MAGI2: variants seen among roughly 807,000 people sequenced by gnomAD.
The protein encoded by MAGI2 is membrane-associated guanylate kinase, WW and PDZ domain-containing protein 2.
MAGI2 carries 35 observed loss-of-function variants against 133.3 expected under a neutral mutation model. The ratio of observed to expected loss-of-function variants is 0.26; its 90% confidence interval spans 0.20 to 0.35. The LOEUF (loss-of-function observed/expected upper bound fraction) is 0.35. Among genes scored for constraint, MAGI2 ranks in the 10% least tolerant of loss-of-function variants. The probability of loss-of-function intolerance (pLI) is 1.00; values close to 1 mark genes in which losing one functional copy is unlikely to be tolerated. For missense variants in MAGI2, 1,636 were observed against 1,863.4 expected (o/e 0.88, Z 2.25); for synonymous variants, 729 against 710.6 (o/e 1.03, Z -0.41).
intron 1 of MAGI2, among the ~76,000 whole-genome samples, chr7:79,136,835 C>T (rs1446461961): frequency 1.3e-5 from 2 of 152,058 alleles, no homozygotes; most frequent in African/African-American, 4.8e-5. Flanking sequence ...TATATGTGCA[C>T]AAGGCAGGAG....
chr7:78,678,271 A>G (rs1239129794), intron 2 of MAGI2, among the ~76,000 whole-genome samples: 1 of 151,990 alleles, frequency 6.6e-6, no homozygotes, highest in Admixed American at 6.6e-5. Flanking sequence ...AATATTCTCT[A>G]TTTTCCAGAA....
At chr7:78,220,075 T>C (rs1788659169) in intron 10 of MAGI2, among the ~76,000 whole-genome samples, 1 of 152,152 alleles carries the variant, frequency 6.6e-6, no homozygotes, top group African/African-American at 2.4e-5. Context: ...TGGCCCTGCC[T>C]GCAGCTCCAG....
chr7:78,391,751 C>T (rs1473350940), intron 6 of MAGI2, among the ~76,000 whole-genome samples: 1 of 152,146 alleles, frequency 6.6e-6, no homozygotes, highest in Non-Finnish European at 1.5e-5. Context: ...TATGATAATG[C>T]CATCTTTCCC....
At chr7:79,002,282 C>T (rs963020290) in intron 2 of MAGI2, among the ~76,000 whole-genome samples, 81 of 151,288 alleles carry the variant, frequency 5.4e-4, no homozygotes, top group African/African-American at 1.8e-3. Context: ...CCACCATGCC[C>T]GGCCAATTTT....
At chr7:79,191,333 C>A (rs1031032376) in intron 1 of MAGI2, among the ~76,000 whole-genome samples, 1 of 146,214 alleles carries the variant, frequency 6.8e-6, no homozygotes, top group African/African-American at 2.5e-5. Flanking sequence ...ATCATGCAAG[C>A]TTTGAAAAGT....
At chr7:79,157,980 T>G (rs1435451801) in intron 1 of MAGI2, among the ~76,000 whole-genome samples, 2 of 130,810 alleles carry the variant, frequency 1.5e-5, no homozygotes, top group Non-Finnish European at 3.1e-5. Context: ...GTGTGTGTAT[T>G]TAAAAGACCT....
chr7:78,667,444 G>C (rs1178936905), intron 2 of MAGI2, among the ~76,000 whole-genome samples: 1 of 150,974 alleles, frequency 6.6e-6, no homozygotes, highest in African/African-American at 2.4e-5. Flanking sequence ...CAATGTGCAA[G>C]TTAGTTACAT....
chr7:78,624,093 T>G lies in MAGI2; in HGVS notation c.538+3027A>C, dbSNP rs115469278. 9.3e-3 allele frequency among the ~76,000 whole-genome samples: 1,419 copies of G among 152,266 alleles called. 23 individuals are homozygous for G. Among genetic ancestry groups the G allele is most frequent in the African/African-American group, 0.032 (1,348 of 41,566 alleles). On this transcript the variant is annotated intron_variant, in intron 3 of 21. Transcript: ENST00000354212. ...TCTTTAATGATCAGTGATGTTGAGT[T>G]TTTTTCATGTTTGTTGGCCACTTGT... is the stretch of plus-strand genomic sequence containing the variant.
At chr7:78,396,426 G>T (rs545695209) in intron 6 of MAGI2, among the ~76,000 whole-genome samples, 8 of 152,086 alleles carry the variant, frequency 5.3e-5, no homozygotes, top group African/African-American at 1.9e-4. Context: ...TCCATTTTTA[G>T]GGCTTTTATC....
At chr7:78,371,252 C>T (rs1224849973) in intron 6 of MAGI2, among the ~76,000 whole-genome samples, 2 of 151,864 alleles carry the variant, frequency 1.3e-5, no homozygotes, top group Admixed American at 6.6e-5. Context: ...ATAAACAGCT[C>T]ATTCAAAACC....
At chr7:79,406,424 C>A (rs916301800) in intron 1 of MAGI2, among the ~76,000 whole-genome samples, 1 of 152,062 alleles carries the variant, frequency 6.6e-6, no homozygotes, top group African/African-American at 2.4e-5. Context: ...ATTTCAACAA[C>A]TAGAGTTATT....
intron 2 of MAGI2, among the ~76,000 whole-genome samples, chr7:78,651,082 A>G (rs1213286070): frequency 6.6e-6 from 1 of 152,154 alleles, no homozygotes; most frequent in Non-Finnish European, 1.5e-5. Flanking sequence ...GATTCTTAGT[A>G]GTGTCTCTCA....
intron 1 of MAGI2, among the ~76,000 whole-genome samples, chr7:79,160,673 A>G: frequency 6.7e-6 from 1 of 149,832 alleles, no homozygotes; most frequent in Admixed American, 6.6e-5. Context: ...CATCCTAGTA[A>G]AGTGGATACA....
chr7:78,916,328 C>T (rs1798793101), intron 2 of MAGI2, among the ~76,000 whole-genome samples: 3 of 151,840 alleles, frequency 2.0e-5, no homozygotes, highest in Middle Eastern at 3.2e-3. Context: ...AACTCTATCC[C>T]GATTGCTTTG....
intron 1 of MAGI2, among the ~76,000 whole-genome samples, chr7:79,429,267 C>A (rs928363470): frequency 3.3e-5 from 5 of 152,012 alleles, no homozygotes; most frequent in African/African-American, 1.2e-4. Flanking sequence ...ACCTTATTGA[C>A]AAGTCAATAA....
At chr7:78,644,992 C>A (rs531564942) in intron 2 of MAGI2, among the ~76,000 whole-genome samples, 1 of 151,864 alleles carries the variant, frequency 6.6e-6, no homozygotes, top group Non-Finnish European at 1.5e-5. Flanking sequence ...TAAATTTATG[C>A]CAATATATTT....
intron 10 of MAGI2, among the ~76,000 whole-genome samples, chr7:78,233,543 G>T (rs1269103320): frequency 6.6e-6 from 1 of 152,096 alleles, no homozygotes; most frequent in South Asian, 2.1e-4. Flanking sequence ...ATGATTTATG[G>T]TGGGGTAAAT....
intron 6 of MAGI2, among the ~76,000 whole-genome samples, chr7:78,438,040 T>C (rs894137065): frequency 6.6e-6 from 1 of 152,196 alleles, no homozygotes; most frequent in East Asian, 1.9e-4. Flanking sequence ...TCACATGTAA[T>C]GATACTTTGT....
At chr7:78,152,793 T>C (rs1310257453) in intron 16 of MAGI2, among the ~76,000 whole-genome samples, 1 of 152,204 alleles carries the variant, frequency 6.6e-6, no homozygotes, top group Non-Finnish European at 1.5e-5. Flanking sequence ...ATGAAAGCAC[T>C]CACAGTAATA....
Sources: allele counts gnomAD v4.1 joint callset (sites outside exome capture counted in the v4.1 genomes callset), GRCh38; gene constraint gnomAD v4.1.1; transcripts MANE v1.5; gene names NCBI Gene and HGNC (gene_info 2026-07-23, HGNC 2026-07-21).